MECOM: variants seen among roughly 807,000 people sequenced by gnomAD.
MECOM encodes histone-lysine N-methyltransferase MECOM.
Under a neutral mutation model 116.3 loss-of-function variants are expected in MECOM, and 13 were observed. The observed-to-expected ratio is 0.11, with a 90% CI of 0.07 to 0.18. MECOM has a LOEUF of 0.18. MECOM is among the 10% of genes least tolerant of loss of function. The probability of loss-of-function intolerance (pLI) is 1.00; values close to 1 mark genes in which losing one functional copy is unlikely to be tolerated. For synonymous variants in MECOM, 528 were observed against 535.2 expected, an observed-to-expected ratio of 0.99 and a Z score of 0.19; for missense variants, 1,299 against 1,509.0, an observed-to-expected ratio of 0.86 and a Z score of 2.31.
At chr3:169,191,446 GAGAAT>G (rs1274699657) in intron 2 of MECOM, among the ~76,000 whole-genome samples, 1 of 151,888 alleles carries the variant, frequency 6.6e-6, no homozygotes, top group Non-Finnish European at 1.5e-5. Context: ...AAGGAAAAGG[GAGAAT>G]AGATCAGATA....
intron 2 of MECOM, among the ~76,000 whole-genome samples, chr3:169,311,067 A>G (rs1577674197): frequency 6.6e-6 from 1 of 152,356 alleles, no homozygotes; most frequent in African/African-American, 2.4e-5. Flanking sequence ...TGTGGCAGTT[A>G]TATCATGCTC....
At chr3:169,333,298 T>C (rs945395827) in intron 2 of MECOM, among the ~76,000 whole-genome samples, 1 of 152,092 alleles carries the variant, frequency 6.6e-6, no homozygotes, top group Non-Finnish European at 1.5e-5. Context: ...AACTGCACCA[T>C]GTCAAAGCTG....
At chr3:169,377,099 C>T (rs1273883) in intron 2 of MECOM, among the ~76,000 whole-genome samples, 122,764 of 152,152 alleles carry the variant, frequency 0.81, 50,145 homozygotes, top group African/African-American at 0.94. Flanking sequence ...ATTTAATAAA[C>T]GGTGTTGGGA....
intron 1 of MECOM, among the ~76,000 whole-genome samples, chr3:169,433,290 A>T (rs1240233899): frequency 6.6e-6 from 1 of 152,132 alleles, no homozygotes; most frequent in Non-Finnish European, 1.5e-5. Flanking sequence ...CAACATGGTG[A>T]AACCTCATCT....
Position 169,356,592 on chromosome 3 carries a change from T to C in MECOM, c.375+24595A>G, listed in dbSNP as rs546937945. Among the ~76,000 whole-genome samples the C allele has an allele frequency of 3.9e-5, 6 of 151,982 alleles. No individual in the cohort carries two copies. In the East Asian group the frequency reaches 1.2e-3, roughly 30 times the overall value. ...TCAGTCTGTCAGTTCTGACATGTCA[T>C]CTGAATTTTTTGAATCACTAAACAC... On this transcript the variant is annotated intron_variant, in intron 2 of 16. Transcript: ENST00000651503.
intron 2 of MECOM, among the ~76,000 whole-genome samples, chr3:169,364,197 A>G (rs548382014): frequency 3.3e-5 from 5 of 151,952 alleles, no homozygotes; most frequent in Non-Finnish European, 7.4e-5. Context: ...CAGAGTTCCA[A>G]TGATTGAAAA....
At chr3:169,506,310 T>C (rs1755210366) in intron 1 of MECOM, among the ~76,000 whole-genome samples, 1 of 152,218 alleles carries the variant, frequency 6.6e-6, no homozygotes, top group South Asian at 2.1e-4. Flanking sequence ...AAATGACTAT[T>C]TGAAGTCTTC....
chr3:169,316,221 T>C (rs1425970770), intron 2 of MECOM, among the ~76,000 whole-genome samples: 1 of 152,210 alleles, frequency 6.6e-6, no homozygotes, highest in Non-Finnish European at 1.5e-5. Flanking sequence ...TTTCGACAAC[T>C]CAAAGAATGA....
intron 2 of MECOM, among the ~76,000 whole-genome samples, chr3:169,174,415 T>C (rs1464468860): frequency 6.6e-6 from 1 of 152,136 alleles, no homozygotes; most frequent in African/African-American, 2.4e-5. Flanking sequence ...ACTACAGAGG[T>C]TTCCTTTCTA....
At chr3:169,173,898 T>C (rs745851547) in intron 2 of MECOM, among the ~76,000 whole-genome samples, 2 of 152,220 alleles carry the variant, frequency 1.3e-5, no homozygotes, top group Non-Finnish European at 2.9e-5. Flanking sequence ...ACATTCATGC[T>C]CTGTTACTTT....
chr3:169,340,358 T>C (rs1401983388), intron 2 of MECOM, among the ~76,000 whole-genome samples: 1 of 152,198 alleles, frequency 6.6e-6, no homozygotes, highest in Non-Finnish European at 1.5e-5. Context: ...CACCTTCAAA[T>C]AGGCTCTGAT....
At chr3:169,108,064 CA>C in intron 9 of MECOM, 112 bp from the exon 10 acceptor site, 1 of 801,862 alleles carries the variant, frequency 1.2e-6, no homozygotes, top group Admixed American at 2.3e-5. Flanking sequence ...TTTTGCTTAT[CA>C]TGTAACTGTA....
chr3:169,648,616 A>C (rs1437384456), intron 1 of MECOM, among the ~76,000 whole-genome samples: 1 of 152,246 alleles, frequency 6.6e-6, no homozygotes, highest in Non-Finnish European at 1.5e-5. Context: ...TGCCAAGCCT[A>C]GTGGCTGGAA....
rs1237906532 is a variant in MECOM at position 169,441,744 on chromosome 3, T to TTTTTTTTTTTTTTTTTTTG, written c.38-60221_38-60220insCAAAAAAAAAAAAAAAAAA. ...TCTTCTCTTCTTTTTTTTTTTTTTT[T>TTTTTTTTTTTTTTTTTTTG]AAAAAAGGGGGGGTCTTGCTCTGTC... is the stretch of plus-strand genomic sequence containing the variant. On this transcript the variant is annotated intron_variant, in intron 1 of 16. Transcript: ENST00000651503. Among the ~76,000 whole-genome samples the TTTTTTTTTTTTTTTTTTTG allele has an allele frequency of 4.2e-5, 6 of 142,016 alleles. 1 individual carries two copies. Among genetic ancestry groups the TTTTTTTTTTTTTTTTTTTG allele is most frequent in the Non-Finnish European group, 9.5e-5 (6 of 63,440 alleles). The allele number at this position is 142,016 out of a possible 152,430, so 93.2% of individuals were successfully genotyped here.
intron 2 of MECOM, among the ~76,000 whole-genome samples, chr3:169,271,514 T>A (rs1758939543): frequency 6.6e-6 from 1 of 152,174 alleles, no homozygotes; most frequent in South Asian, 2.1e-4. Context: ...TTTTTTAAAG[T>A]CTGTGTTTTC....
chr3:169,139,549 G>A (rs1192987701), intron 3 of MECOM, among the ~76,000 whole-genome samples: 2 of 152,142 alleles, frequency 1.3e-5, no homozygotes, highest in Non-Finnish European at 2.9e-5. Context: ...TTAATTGTAA[G>A]TGGAAAGGCA....
At chr3:169,536,938 G>C (rs768056769) in intron 1 of MECOM, among the ~76,000 whole-genome samples, 4 of 152,056 alleles carry the variant, frequency 2.6e-5, no homozygotes, top group Admixed American at 6.6e-5. Context: ...CTATTTTATA[G>C]ATGGGGAAAC....
chr3:169,575,022 TA>T (rs1203865846), intron 1 of MECOM, among the ~76,000 whole-genome samples: 2 of 152,014 alleles, frequency 1.3e-5, no homozygotes, highest in Non-Finnish European at 2.9e-5. Context: ...AGAATATCGC[TA>T]AAAAATCAAG....
chr3:169,320,761 T>C (rs1720712307), intron 2 of MECOM, among the ~76,000 whole-genome samples: 1 of 152,238 alleles, frequency 6.6e-6, no homozygotes. Context: ...ACATCTTTAT[T>C]TTGACATTTT....
Sources: allele counts gnomAD v4.1 joint callset (sites outside exome capture counted in the v4.1 genomes callset), GRCh38; gene constraint gnomAD v4.1.1; transcripts MANE v1.5; gene names NCBI Gene and HGNC (gene_info 2026-07-23, HGNC 2026-07-21).